GUCY1A2: variants seen among roughly 807,000 people sequenced by gnomAD.
GUCY1A2 encodes the protein guanylate cyclase soluble subunit alpha-2.
GUCY1A2 carries 27 observed loss-of-function variants against 63.5 expected under a neutral mutation model. The ratio of observed to expected loss-of-function variants is 0.43; its 90% CI spans 0.31 to 0.59. The LOEUF is 0.59. Among genes scored for constraint, GUCY1A2 ranks in the 20% least tolerant of loss-of-function variants. GUCY1A2 has a pLI of 0.11. For missense variants in GUCY1A2, 768 were observed against 913.3 expected, an observed-to-expected ratio of 0.84 and a Z score of 2.05; for synonymous variants, 364 against 343.5, an observed-to-expected ratio of 1.06 and a Z score of -0.66.
rs548404569 is a variant in GUCY1A2, at chr11:106,900,801, C to T, written c.1206+38659G>A. 3.3e-5 allele frequency among the ~76,000 whole-genome samples: 5 copies of T among 152,180 alleles called. No individual in the cohort carries two copies. The East Asian group carries it at 5.8e-4, about 18-fold the overall frequency. Reference sequence around the variant, plus strand: ...TGCAATACCATTATGTCTAAAAAAGCGACAAACATACTTTGACTTTAAAAT... The same window carrying T: ...TGCAATACCATTATGTCTAAAAAAGTGACAAACATACTTTGACTTTAAAAT... On this transcript the variant is annotated intron_variant, in intron 4 of 7. Coordinates refer to ENST00000526355, the MANE Select transcript of GUCY1A2 (RefSeq NM_000855.3).
At chr11:106,935,141 G>T (rs111959986) in intron 4 of GUCY1A2, among the ~76,000 whole-genome samples, 23 of 152,250 alleles carry the variant, frequency 1.5e-4, no homozygotes, top group African/African-American at 5.5e-4. Context: ...GAGACAAGCA[G>T]CAGGGTCCAA....
chr11:106,991,778 A>AT (rs757316362), intron 1 of GUCY1A2, among the ~76,000 whole-genome samples: 2 of 152,196 alleles, frequency 1.3e-5, no homozygotes, highest in South Asian at 2.1e-4. Flanking sequence ...TAAATACGAG[A>AT]TTTTTTTCTT....
At chr11:106,917,542 C>T (rs1003022421) in intron 4 of GUCY1A2, among the ~76,000 whole-genome samples, 2 of 144,324 alleles carry the variant, frequency 1.4e-5, no homozygotes, top group Non-Finnish European at 3.1e-5. Flanking sequence ...TGGAACCAAC[C>T]CAAATGCCCA....
chr11:106,951,900 A>G (rs962523010), intron 3 of GUCY1A2, among the ~76,000 whole-genome samples: 4 of 152,104 alleles, frequency 2.6e-5, no homozygotes, highest in East Asian at 1.9e-4. Context: ...ATCCATCTTG[A>G]GTTAATTTTT....
At chr11:106,744,100 A>G (rs931938325) in intron 6 of GUCY1A2, among the ~76,000 whole-genome samples, 13 of 152,198 alleles carry the variant, frequency 8.5e-5, no homozygotes, top group Admixed American at 2.6e-4. Context: ...TTGTTACTCC[A>G]TCAAGGAAAA....
intron 1 of GUCY1A2, among the ~76,000 whole-genome samples, chr11:107,017,030 T>C (rs1375354424): frequency 6.6e-6 from 1 of 151,490 alleles, no homozygotes; most frequent in Non-Finnish European, 1.5e-5. Context: ...CCCGGGACTT[T>C]AAATTAAATT....
At chr11:106,964,310 C>T (rs1184696729) in intron 3 of GUCY1A2, among the ~76,000 whole-genome samples, 3 of 152,180 alleles carry the variant, frequency 2.0e-5, no homozygotes, top group Admixed American at 1.3e-4. Context: ...TTCAAGAATA[C>T]TCCTCAGTCT....
At chr11:106,700,048 A>T (rs1862792641) in intron 7 of GUCY1A2, among the ~76,000 whole-genome samples, 1 of 152,120 alleles carries the variant, frequency 6.6e-6, no homozygotes, top group Non-Finnish European at 1.5e-5. Context: ...CTCCCAGGGA[A>T]AAATATGTCT....
chr11:106,678,198 T>A lies in GUCY1A2; in HGVS notation c.*9351A>T. 1 of 198,214 alleles carries A rather than the reference T, an allele frequency of 5.0e-6. No individual in the cohort carries two copies. The highest frequency in any genetic ancestry group is 7.9e-5 in the East Asian group (1 of 12,726). The allele number at this position is 198,214 out of a possible 1,614,324, so 12.3% of individuals were successfully genotyped here. ...TATCTAGACCTTCTTGGCTAGAGTT[T>A]GATCTACCATCAGAAATAATTTCTT... On this transcript the variant is annotated 3_prime_UTR_variant, in exon 8 of 8. Coordinates refer to ENST00000526355, the MANE Select transcript of GUCY1A2 (RefSeq NM_000855.3).
At chr11:106,880,838 G>A (rs778054940) in intron 4 of GUCY1A2, among the ~76,000 whole-genome samples, 1 of 151,992 alleles carries the variant, frequency 6.6e-6, no homozygotes. Context: ...ATTGTTGTTT[G>A]TTGTGATTGT....
intron 4 of GUCY1A2, chr11:106,826,361 A>T: frequency 1.3e-6 from 2 of 1,486,866 alleles, no homozygotes; most frequent in South Asian, 2.6e-5. Context: ...GTCATTTGGA[A>T]CTTTATATGA....
intron 4 of GUCY1A2, among the ~76,000 whole-genome samples, chr11:106,917,005 T>C (rs574322998): frequency 6.9e-6 from 1 of 145,678 alleles, no homozygotes; most frequent in South Asian, 2.4e-4. Context: ...GAATACAAGA[T>C]GAAAAACAAA....
At position 106,717,607 on chromosome 11, in the gene GUCY1A2, G is replaced by A. The variant is rs558842361; in HGVS notation, c.1837-8941C>T. Among the ~76,000 whole-genome samples, 11 of 152,250 alleles carry A rather than the reference G, an allele frequency of 7.2e-5. No individual in the cohort carries two copies. The East Asian group carries it at 2.1e-3, about 29-fold the overall frequency. Reference sequence around the variant, plus strand: ...GAAAGTCTTTTAGTAGAAAAAGCCCGTAAGCTCTTCACTCATGTTTGCATT... The same window carrying A: ...GAAAGTCTTTTAGTAGAAAAAGCCCATAAGCTCTTCACTCATGTTTGCATT... On this transcript the variant is annotated intron_variant, in intron 6 of 7. Coordinates refer to ENST00000526355, the MANE Select transcript of GUCY1A2 (RefSeq NM_000855.3).
At chr11:106,750,686 A>G (rs909080438) in intron 6 of GUCY1A2, among the ~76,000 whole-genome samples, 1 of 152,024 alleles carries the variant, frequency 6.6e-6, no homozygotes, top group African/African-American at 2.4e-5. Flanking sequence ...CAATTACCCC[A>G]TAACTAAGGG....
intron 6 of GUCY1A2, among the ~76,000 whole-genome samples, chr11:106,722,669 C>G (rs1055789835): frequency 6.6e-6 from 1 of 151,820 alleles, no homozygotes; most frequent in Non-Finnish European, 1.5e-5. Flanking sequence ...TTACGATTAG[C>G]CAGTCATCGA....
At position 106,685,535 on chromosome 11, in the gene GUCY1A2, T is replaced by G. The variant is rs2135331273; in HGVS notation, c.*2014A>C. ...TCACCAACATTTTATTGATTTAATATACCATAATAAGTTCTAAGTTACTGA... is the reference window on the plus strand; with the variant it reads ...TCACCAACATTTTATTGATTTAATAGACCATAATAAGTTCTAAGTTACTGA... On this transcript the variant is annotated 3_prime_UTR_variant, in exon 8 of 8. Transcript: ENST00000526355. The G allele has an allele frequency of 4.4e-6, 1 of 226,796 alleles. No individual in the cohort carries two copies. Among genetic ancestry groups the G allele is most frequent in the East Asian group, 6.4e-5 (1 of 15,724 alleles). 14.0% of individuals were successfully genotyped at this position (226,796 alleles called of 1,614,324 possible).
intron 5 of GUCY1A2, 63 bp downstream of exon 5, chr11:106,809,930 T>C: frequency 2.0e-6 from 1 of 489,278 alleles, no homozygotes; most frequent in Non-Finnish European, 3.0e-6. Context: ...AAAAAATCAA[T>C]TTAATTCACA....
At position 106,951,393 on chromosome 11, in the gene GUCY1A2, G is replaced by A. The variant is rs540563844; in HGVS notation, c.488-11215C>T. 1.2e-4 allele frequency among the ~76,000 whole-genome samples: 18 copies of A among 152,206 alleles called. 2 individuals are homozygous for A. The South Asian group carries it at 2.9e-3, about 25-fold the overall frequency. On this transcript the variant is annotated intron_variant, in intron 3 of 7. Coordinates refer to ENST00000526355, the MANE Select transcript of GUCY1A2 (RefSeq NM_000855.3). ...AGCATTCCTACTTCTCCACAGCCTCGCCAGCATCTACTATTCCCTGACTTT... is the reference window on the plus strand; with the variant it reads ...AGCATTCCTACTTCTCCACAGCCTCACCAGCATCTACTATTCCCTGACTTT...
chr11:106,723,207 C>G (rs1480319043), intron 6 of GUCY1A2, among the ~76,000 whole-genome samples: 3 of 152,152 alleles, frequency 2.0e-5, no homozygotes, highest in Middle Eastern at 3.2e-3. Flanking sequence ...TGCTCCATGT[C>G]TGCGTATAAG....
Sources: gnomAD v4.1 joint callset for allele counts (sites outside exome capture counted in the v4.1 genomes callset) on GRCh38, gnomAD v4.1.1 for gene constraint, MANE v1.5 for transcripts, NCBI Gene and HGNC (gene_info 2026-07-23, HGNC 2026-07-21) for gene names.